CHI3L2: variants seen among roughly 807,000 people sequenced by gnomAD.
CHI3L2 encodes the protein chitinase-3-like protein 2.
Under a neutral mutation model 47.3 loss-of-function variants are expected in CHI3L2, and 47 were observed. The ratio of observed to expected loss-of-function variants is 0.99; its 90% CI spans 0.79 to 1.27. CHI3L2 has a LOEUF of 1.27. Among genes scored for constraint, CHI3L2 ranks in the 50% most tolerant of loss-of-function variants. The pLI is 0.00. For synonymous variants in CHI3L2, 198 were observed against 169.9 expected (o/e 1.17, Z -1.28); for missense variants, 497 against 462.1 (o/e 1.08, Z -0.69).
Position 111,243,297 on chromosome 1 carries a change from C to T in CHI3L2, c.*83C>T. ...CCCAGGAATTCTCATGTGGGATTCC[C>T]CTTGCCAGGCTGGCCTTTGGATCTC... On this transcript the variant is annotated 3_prime_UTR_variant, in exon 11 of 11. Transcript: ENST00000369748. The T allele has an allele frequency of 2.2e-6, 1 of 455,308 alleles. No individual in the cohort carries two copies. Among genetic ancestry groups the T allele is most frequent in the Non-Finnish European group, 4.4e-6 (1 of 226,406 alleles). 28.2% of individuals were successfully genotyped at this position (455,308 alleles called of 1,614,324 possible).
rs1659834256 is a variant in CHI3L2, at chr1:111,234,957, C to G, written c.380C>G (p.Ser127Cys). ...ACATCACGCTTGGAATTCATTAACT[C>G]CATAATCCTGTTTCTGAGGAACCAT... ...SSTSRLEFIN[S>C]IILFLRNHNF... Residue 127 changes from serine (S) to cysteine (C), a missense_variant, in exon 5 of 11, where the codon TCC becomes TGC. By Grantham distance (112) the Ser-to-Cys change is moderately radical. Coordinates refer to ENST00000369748, the MANE Select transcript of CHI3L2 (RefSeq NM_004000.3). The G allele has an allele frequency of 6.2e-7, 1 of 1,614,052 alleles. No homozygotes were observed. Among genetic ancestry groups the G allele is most frequent in the Non-Finnish European group, 8.5e-7 (1 of 1,180,010 alleles).
rs201627777 is a variant in CHI3L2 at position 111,230,909 on chromosome 1, A to G, written c.238A>G (p.Met80Val). The G allele has an allele frequency of 2.5e-6, 4 of 1,614,160 alleles. No homozygotes were observed. The African/African-American group carries it at 5.3e-5, about 22-fold the overall frequency. The change falls in exon 3 of 11, where the codon ATG becomes GTG. Residue 80 changes from methionine to valine, a missense_variant. Coordinates refer to ENST00000369748, the MANE Select transcript of CHI3L2 (RefSeq NM_004000.3). ...KVIIKDKSEVMLYQTINSLKT... is the reference protein window; with the variant it reads ...KVIIKDKSEVVLYQTINSLKT... ...TATCATCAAGGACAAGAGTGAAGTG[A>G]TGCTCTACCAGACCATCAACAGTCT...
At chr1:111,237,752 C>A (rs879731262) in intron 7 of CHI3L2, among the ~76,000 whole-genome samples, 1 of 152,202 alleles carries the variant, frequency 6.6e-6, no homozygotes, top group Non-Finnish European at 1.5e-5. Flanking sequence ...CTGAACAAAT[C>A]CTTCCTCTTG....
chr1:111,231,219 T>C lies in CHI3L2; in HGVS notation c.273-19T>C. The C allele has an allele frequency of 6.3e-7, 1 of 1,592,470 alleles. No individual in the cohort carries two copies. Among genetic ancestry groups the C allele is most frequent in the African/African-American group, 1.3e-5 (1 of 74,590 alleles). On this transcript the variant is annotated intron_variant, in intron 3 of 10. Transcript: ENST00000369748. ...CTGGCAGCCAGAAAATAAATAATCA[T>C]CTTATTCTTCTACTTCAGGAATCCC...
At position 111,241,746 on chromosome 1, in the gene CHI3L2, G is replaced by T. The variant is rs544597615; in HGVS notation, c.1035+303G>T. 6.4e-4 allele frequency among the ~76,000 whole-genome samples: 98 copies of T among 152,288 alleles called. 1 individual carries two copies. Among genetic ancestry groups the T allele is most frequent in the Non-Finnish European group, 2.9e-4 (20 of 68,026 alleles). ...AGGGAGAGGGAATAAAGGAGACGTT[G>T]GTGCCTGTATAGATAATCTACTTTG... On this transcript the variant is annotated intron_variant, in intron 9 of 10. Coordinates refer to ENST00000369748, the MANE Select transcript of CHI3L2 (RefSeq NM_004000.3).
intron 4 of CHI3L2, 100 bp from the exon 5 acceptor site, chr1:111,234,806 AT>A (rs1659828587): frequency 9.3e-7 from 1 of 1,080,964 alleles, no homozygotes. Flanking sequence ...GTAAGTGAAT[AT>A]TGGGGAAGAG....
intron 1 of CHI3L2, among the ~76,000 whole-genome samples, chr1:111,228,968 A>T (rs1228881083): frequency 6.6e-6 from 1 of 152,104 alleles, no homozygotes; most frequent in African/African-American, 2.4e-5. Context: ...TCAAACATAT[A>T]AGTTTAAAGC....
At chr1:111,230,225 G>A (rs930083449) in intron 2 of CHI3L2, among the ~76,000 whole-genome samples, 1 of 151,836 alleles carries the variant, frequency 6.6e-6, no homozygotes, top group African/African-American at 2.4e-5. Flanking sequence ...TGTTTCATAT[G>A]TTGGTGGTAT....
At chr1:111,238,285 C>T (rs942690) in intron 7 of CHI3L2, among the ~76,000 whole-genome samples, 51,596 of 152,090 alleles carry the variant, frequency 0.34, 10,214 homozygotes, top group East Asian at 0.55. Context: ...CAGAATAAAT[C>T]TCTTCAAATA....
At chr1:111,231,372 A>C (rs1199515528) in intron 4 of CHI3L2, 78 bp downstream of exon 4, 5 of 1,159,104 alleles carry the variant, frequency 4.3e-6, no homozygotes, top group Non-Finnish European at 6.4e-6. Context: ...TTCTAAGAAG[A>C]GATATTAAAC....
chr1:111,237,830 T>C (rs1189008034), intron 7 of CHI3L2, among the ~76,000 whole-genome samples: 3 of 152,320 alleles, frequency 2.0e-5, no homozygotes, highest in Non-Finnish European at 4.4e-5. Context: ...GTGTCAGACA[T>C]GCCTCACAGC....
chr1:111,242,141 T>C (rs757969277), intron 9 of CHI3L2, 86 bp from the exon 10 acceptor site: 11 of 1,556,442 alleles, frequency 7.1e-6, no homozygotes, highest in Non-Finnish European at 9.7e-6. Context: ...TATTTTAAGC[T>C]TAGTCCCTCA....
At chr1:111,238,606 G>T (rs971090598) in intron 7 of CHI3L2, 144 bp from the exon 8 acceptor site, 2 of 738,736 alleles carry the variant, frequency 2.7e-6, no homozygotes, top group Admixed American at 2.9e-5. Context: ...CAAGCACTCT[G>T]GTCCGGGGGG....
chr1:111,228,073 C>A (rs537128232), intron 1 of CHI3L2, among the ~76,000 whole-genome samples: 1 of 152,346 alleles, frequency 6.6e-6, no homozygotes, highest in East Asian at 1.9e-4. Flanking sequence ...TTCTTAGTCT[C>A]TTGGTGTATG....
At chr1:111,235,519 G>A in intron 5 of CHI3L2, 120 bp from the exon 6 acceptor site, 2 of 1,192,640 alleles carry the variant, frequency 1.7e-6, no homozygotes, top group African/African-American at 1.5e-5. Context: ...GGGGTGGGGA[G>A]GAAAGGGTTG....
chr1:111,233,642 T>A (rs1394331124), intron 4 of CHI3L2, among the ~76,000 whole-genome samples: 2 of 151,608 alleles, frequency 1.3e-5, no homozygotes, highest in Non-Finnish European at 2.9e-5. Context: ...CCGCCCCTAC[T>A]GGGAAGTGAG....
chr1:111,235,806 T>G (rs914062744), intron 6 of CHI3L2, 43 bp downstream of exon 6: 2 of 1,604,784 alleles, frequency 1.2e-6, no homozygotes, highest in Non-Finnish European at 1.7e-6. Context: ...GCTTCCAATT[T>G]GGTCCATGCA....
intron 7 of CHI3L2, among the ~76,000 whole-genome samples, chr1:111,236,565 T>C (rs1659893698): frequency 6.6e-6 from 1 of 152,160 alleles, no homozygotes. Flanking sequence ...TTACTCCCAC[T>C]TCACAGATGA....
chr1:111,240,854 T>C (rs1224596025), intron 8 of CHI3L2, among the ~76,000 whole-genome samples: 2 of 152,186 alleles, frequency 1.3e-5, no homozygotes, highest in Non-Finnish European at 2.9e-5. Flanking sequence ...TAAGTGGAGA[T>C]GCTACAAGAT....
Sources: allele counts gnomAD v4.1 joint callset (sites outside exome capture counted in the v4.1 genomes callset), GRCh38; gene constraint gnomAD v4.1.1; transcripts MANE v1.5; gene names NCBI Gene and HGNC (gene_info 2026-07-23, HGNC 2026-07-21).